Variants in TLN2 observed in about 807,000 individuals in gnomAD.
TLN2 encodes the protein talin-2.
A neutral mutation model predicts 294.7 loss-of-function variants in TLN2; 118 were observed. That is an observed-to-expected ratio of 0.40 (90% CI 0.34 to 0.47). The LOEUF is 0.47. Among genes scored for constraint, TLN2 ranks in the 20% least tolerant of loss-of-function variants. The probability of loss-of-function intolerance (pLI) is 0.84; values close to 1 mark genes in which losing one functional copy is unlikely to be tolerated. For synonymous variants in TLN2, 1,431 were observed against 1,304.5 expected (o/e 1.10, Z -2.09); for missense variants, 3,083 against 3,282.2 (o/e 0.94, Z 1.48).
intron 32 of TLN2, among the ~76,000 whole-genome samples, chr15:62,743,827 G>A (rs1353892269): frequency 1.3e-5 from 2 of 152,210 alleles, no homozygotes; most frequent in Middle Eastern, 3.4e-3. Context: ...AGCCCACAGC[G>A]GCCAGCATCA....
chr15:62,541,669 G>T (rs2041696461), intron 1 of TLN2, among the ~76,000 whole-genome samples: 1 of 152,106 alleles, frequency 6.6e-6, no homozygotes, highest in South Asian at 2.1e-4. Context: ...CGGCACACCT[G>T]ACAATATCCC....
chr15:62,391,200 C>G (rs1012068282), intron 1 of TLN2, among the ~76,000 whole-genome samples: 2 of 152,374 alleles, frequency 1.3e-5, no homozygotes, highest in Admixed American at 6.5e-5. Context: ...AAACAAGTCT[C>G]CCGCCGAGGC....
At chr15:62,837,064 G>GTGTT (rs2069752520) in intron 57 of TLN2, among the ~76,000 whole-genome samples, 1 of 152,130 alleles carries the variant, frequency 6.6e-6, no homozygotes. Context: ...TTTATTGTAA[G>GTGTT]TGTTAAAATG....
intron 19 of TLN2, among the ~76,000 whole-genome samples, chr15:62,706,562 G>C (rs1484059912): frequency 6.6e-6 from 1 of 152,256 alleles, no homozygotes; most frequent in Non-Finnish European, 1.5e-5. Context: ...CACATCAAAT[G>C]TTGCCCTCTG....
intron 1 of TLN2, among the ~76,000 whole-genome samples, chr15:62,424,663 G>GT (rs1007825167): frequency 2.7e-5 from 4 of 150,142 alleles, no homozygotes; most frequent in African/African-American, 9.8e-5. Flanking sequence ...CTTTTTTTTT[G>GT]TTTTTTTGAG....
intron 1 of TLN2, among the ~76,000 whole-genome samples, chr15:62,504,759 C>CA (rs2039495808): frequency 6.7e-6 from 1 of 150,356 alleles, no homozygotes; most frequent in Non-Finnish European, 1.5e-5. Context: ...AGGGAGGAGC[C>CA]AGAGTGCTAA....
rs1291583042 is a variant in TLN2 at position 62,717,604 on chromosome 15, C to G, written c.2792C>G (p.Ala931Gly). The change falls in exon 24 of 59, where the codon GCC (alanine) becomes GGC (glycine). Residue 931 changes from alanine to glycine, a missense_variant. By Grantham distance (60) the Ala-to-Gly change is moderately conservative (BLOSUM62 0). Coordinates refer to ENST00000636159, the MANE Select transcript of TLN2 (RefSeq NM_015059.3). ...GCAGCCAAGCAGGCCGCAGCGGCAG[C>G]CACACAGACCATCGCCGCCTCCCAG... is the stretch of plus-strand genomic sequence containing the variant. ...EVAAKQAAAA[A>G]TQTIAASQNA... 3 of 1,597,068 alleles carry G rather than the reference C, an allele frequency of 1.9e-6. No individual in the cohort carries two copies. The highest frequency in any genetic ancestry group is 1.7e-6 in the Non-Finnish European group (2 of 1,173,314).
intron 43 of TLN2, 95 bp from the exon 44 acceptor site, chr15:62,781,045 C>T: frequency 1.1e-6 from 1 of 885,496 alleles, no homozygotes; most frequent in South Asian, 1.6e-5. Context: ...TCTCTGAGGC[C>T]CTCTCTGTTT....
intron 1 of TLN2, among the ~76,000 whole-genome samples, chr15:62,497,534 A>G (rs568958870): frequency 8.3e-4 from 126 of 152,206 alleles, no homozygotes; most frequent in Non-Finnish European, 1.5e-3. Flanking sequence ...GAAGAATCCT[A>G]TTTCCTAATC....
intron 52 of TLN2, among the ~76,000 whole-genome samples, chr15:62,817,027 T>C (rs1345788464): frequency 1.3e-5 from 2 of 152,140 alleles, no homozygotes; most frequent in Non-Finnish European, 2.9e-5. Context: ...TATATATATA[T>C]ATTAATTTAT....
Position 62,792,795 on chromosome 15 carries a change from G to T in TLN2, c.5883+8G>T. The T allele has an allele frequency of 6.2e-7, 1 of 1,613,846 alleles. No homozygotes were observed. ...CGTGCCGTCACGGAAAAGGTAAGGA[G>T]CAGCCCTCAGTTTAGAGTCACAAGA... On this transcript the variant is annotated splice_region_variant and intron_variant, in intron 46 of 58. Transcript: ENST00000636159.
rs142149067 is a variant in TLN2, at chr15:62,477,132, A to G, written c.-238+86447A>G. 3.2e-3 allele frequency among the ~76,000 whole-genome samples: 489 copies of G among 152,302 alleles called. 1 individual carries two copies. Among genetic ancestry groups the G allele is most frequent in the South Asian group, 4.6e-3 (22 of 4,820 alleles). ...CATGAAGAAAGACGAGATCAAGTAA[A>G]AGCCTAAGTAAACTGTCATGCTATT... On this transcript the variant is annotated intron_variant, in intron 1 of 58. Coordinates refer to ENST00000636159, the MANE Select transcript of TLN2 (RefSeq NM_015059.3).
chr15:62,551,259 G>A (rs778598671), intron 1 of TLN2, among the ~76,000 whole-genome samples: 12 of 152,108 alleles, frequency 7.9e-5, no homozygotes, highest in Non-Finnish European at 1.2e-4. Flanking sequence ...ACTGTGTGGC[G>A]TGGTTCCTAA....
rs149464237 is a variant in TLN2, at chr15:62,607,597, C to G, written c.-161-10754C>G. 6.4e-4 allele frequency among the ~76,000 whole-genome samples: 98 copies of G among 152,308 alleles called. 1 individual carries two copies. The South Asian group carries it at 0.02, about 31-fold the overall frequency. On this transcript the variant is annotated intron_variant, in intron 2 of 58. Coordinates refer to ENST00000636159, the MANE Select transcript of TLN2 (RefSeq NM_015059.3). ...ATAAACGAAACGTCCAAAAGGATCC[C>G]TCCTTTCAAACTGTCATGTACCAAG...
intron 22 of TLN2, among the ~76,000 whole-genome samples, 172 bp from the exon 23 acceptor site, chr15:62,716,158 CT>C (rs2140903338): frequency 6.6e-6 from 1 of 152,324 alleles, no homozygotes; most frequent in Admixed American, 6.5e-5. Flanking sequence ...GAAACATCCC[CT>C]GGTAGGTATT....
At chr15:62,764,017 G>A (rs2062838964) in intron 40 of TLN2, among the ~76,000 whole-genome samples, 2 of 152,194 alleles carry the variant, frequency 1.3e-5, no homozygotes, top group African/African-American at 2.4e-5. Flanking sequence ...TAACACATCA[G>A]TAGAGTGGAC....
At chr15:62,722,801 G>T (rs1311233694) in intron 26 of TLN2, among the ~76,000 whole-genome samples, 1 of 152,178 alleles carries the variant, frequency 6.6e-6, no homozygotes, top group Non-Finnish European at 1.5e-5. Context: ...GGGGAGAATG[G>T]TAGTCATCAG....
chr15:62,819,500 T>C lies in TLN2; in HGVS notation c.6772-16T>C, dbSNP rs1285274255. ...TACTATCCCCCTCATGCCTCTGACT[T>C]GTTCTTCACCTGTAGATTCTTCAGA... On this transcript the variant is annotated splice_polypyrimidine_tract_variant and intron_variant, in intron 52 of 58. Coordinates refer to ENST00000636159, the MANE Select transcript of TLN2 (RefSeq NM_015059.3). 4 of 1,608,680 alleles carry C rather than the reference T, an allele frequency of 2.5e-6. No individual in the cohort carries two copies. The highest frequency in any genetic ancestry group is 3.4e-6 in the Non-Finnish European group (4 of 1,175,186).
At chr15:62,435,687 G>A (rs993567203) in intron 1 of TLN2, among the ~76,000 whole-genome samples, 3 of 152,036 alleles carry the variant, frequency 2.0e-5, no homozygotes, top group Non-Finnish European at 4.4e-5. Context: ...GATTACAGGC[G>A]CCTACCACCT....
Sources: allele counts gnomAD v4.1 joint callset (sites outside exome capture counted in the v4.1 genomes callset), GRCh38; gene constraint gnomAD v4.1.1; transcripts MANE v1.5; gene names NCBI Gene and HGNC (gene_info 2026-07-23, HGNC 2026-07-21).